CHRNB3: variants seen among roughly 807,000 people sequenced by gnomAD.
The protein encoded by CHRNB3 is cholinergic receptor nicotinic beta 3 subunit, also known as neuronal acetylcholine receptor subunit beta-3.
In CHRNB3, 37 loss-of-function variants were observed where a neutral mutation model predicts 40.6. The observed-to-expected ratio is 0.91, with a 90% CI of 0.70 to 1.20. CHRNB3 has a LOEUF of 1.20. Among genes scored for constraint, CHRNB3 ranks in the 50% most tolerant of loss-of-function variants. CHRNB3 has a pLI of 0.00. For missense variants in CHRNB3, 505 were observed against 551.2 expected (o/e 0.92, Z 0.84); for synonymous variants, 207 against 207.1 (o/e 1.00, Z 0.00).
intron 1 of CHRNB3, among the ~76,000 whole-genome samples, chr8:42,703,427 A>AT (rs1815855622): frequency 2.8e-5 from 1 of 35,822 alleles, no homozygotes; most frequent in African/African-American, 5.7e-5. Flanking sequence ...TCGTCTAAAA[A>AT]AAAAAAAAAT....
intron 2 of CHRNB3, 83 bp from the exon 3 acceptor site, chr8:42,710,307 G>T: frequency 9.3e-7 from 1 of 1,072,566 alleles, no homozygotes; most frequent in Non-Finnish European, 1.4e-6. Flanking sequence ...AACATCTTGA[G>T]ATCCCATTTC....
At chr8:42,722,884 G>T (rs1356638730) in intron 3 of CHRNB3, among the ~76,000 whole-genome samples, 2 of 152,048 alleles carry the variant, frequency 1.3e-5, no homozygotes, top group East Asian at 3.9e-4. Flanking sequence ...TTGGGGGAGG[G>T]ATGGCTTTAA....
At chr8:42,717,511 T>C (rs1816137877) in intron 3 of CHRNB3, among the ~76,000 whole-genome samples, 1 of 150,558 alleles carries the variant, frequency 6.6e-6, no homozygotes, top group African/African-American at 2.4e-5. Context: ...CATGAATTCA[T>C]CTCAGATCTT....
chr8:42,700,014 CT>C (rs1468745766), intron 1 of CHRNB3, among the ~76,000 whole-genome samples: 1 of 148,562 alleles, frequency 6.7e-6, no homozygotes, highest in Non-Finnish European at 1.5e-5. Context: ...TCAATAATTT[CT>C]TTTCTTTTTT....
intron 3 of CHRNB3, among the ~76,000 whole-genome samples, chr8:42,714,369 G>A (rs1436129193): frequency 6.6e-6 from 1 of 151,930 alleles, no homozygotes; most frequent in African/African-American, 2.4e-5. Flanking sequence ...AGGCGTGGTG[G>A]TGGGCACCTG....
intron 3 of CHRNB3, among the ~76,000 whole-genome samples, chr8:42,718,127 G>T (rs1439309881): frequency 6.6e-6 from 1 of 152,010 alleles, no homozygotes; most frequent in Non-Finnish European, 1.5e-5. Context: ...ACCACGCCTG[G>T]CCTTCATCCT....
chr8:42,724,298 C>G (rs1184704263), intron 3 of CHRNB3, among the ~76,000 whole-genome samples: 1 of 152,128 alleles, frequency 6.6e-6, no homozygotes, highest in African/African-American at 2.4e-5. Flanking sequence ...AAACCCCCAA[C>G]ACCTAACATA....
chr8:42,726,796 G>C (rs1816319384), intron 3 of CHRNB3, among the ~76,000 whole-genome samples: 1 of 151,966 alleles, frequency 6.6e-6, no homozygotes, highest in Non-Finnish European at 1.5e-5. Context: ...GGCCTATTTA[G>C]GTATAAATCT....
intron 3 of CHRNB3, among the ~76,000 whole-genome samples, chr8:42,730,301 A>T (rs2128908456): frequency 6.6e-6 from 1 of 152,300 alleles, no homozygotes; most frequent in African/African-American, 2.4e-5. Flanking sequence ...TAGGATGAAA[A>T]GATAGATCAT....
intron 5 of CHRNB3, 124 bp downstream of exon 5, chr8:42,732,673 T>C: frequency 1.1e-6 from 1 of 906,724 alleles, no homozygotes; most frequent in Non-Finnish European, 1.6e-6. Context: ...ACATGCTTTT[T>C]ATACATATAA....
rs141965708 is a variant in CHRNB3 at position 42,737,105 on chromosome 8, G to C, written c.*487G>C. On this transcript the variant is annotated 3_prime_UTR_variant, in exon 6 of 6. Transcript: ENST00000289957. Reference sequence around the variant, plus strand: ...TGCAAACTGGGGCCGTGTTATGCTTGTTAGCAATGGGCCAGGCAAATCTCA... The same window carrying C: ...TGCAAACTGGGGCCGTGTTATGCTTCTTAGCAATGGGCCAGGCAAATCTCA... The C allele has an allele frequency of 0.014, 2,149 of 159,182 alleles. 45 individuals carry two copies. The highest frequency in any genetic ancestry group is 0.049 in the African/African-American group (2,019 of 41,584). 9.9% of individuals were successfully genotyped at this position (159,182 alleles called of 1,614,324 possible).
chr8:42,727,814 G>C (rs1169690965), intron 3 of CHRNB3, among the ~76,000 whole-genome samples: 1 of 152,102 alleles, frequency 6.6e-6, no homozygotes. Context: ...AGTGAGCCGA[G>C]ACTGTGCGAC....
intron 1 of CHRNB3, among the ~76,000 whole-genome samples, chr8:42,697,911 CAG>C (rs1326198065): frequency 1.3e-5 from 2 of 152,238 alleles, no homozygotes; most frequent in Middle Eastern, 3.4e-3. Flanking sequence ...GAGCATTACT[CAG>C]AGAATTGTTC....
intron 1 of CHRNB3, among the ~76,000 whole-genome samples, chr8:42,702,142 C>T (rs944297312): frequency 2.0e-5 from 3 of 152,156 alleles, no homozygotes; most frequent in Non-Finnish European, 4.4e-5. Context: ...GCTCAGTGCA[C>T]AGGAGATGAC....
chr8:42,734,344 G>A (rs1816483396), intron 5 of CHRNB3, among the ~76,000 whole-genome samples: 1 of 150,328 alleles, frequency 6.7e-6, no homozygotes, highest in Non-Finnish European at 1.5e-5. Flanking sequence ...TCAATTTATA[G>A]GGTTCAAATA....
chr8:42,698,608 T>A (rs1304442252), intron 1 of CHRNB3, among the ~76,000 whole-genome samples: 1 of 152,174 alleles, frequency 6.6e-6, no homozygotes, highest in Non-Finnish European at 1.5e-5. Flanking sequence ...GGACTCAAAG[T>A]CAAACAGGAA....
rs759553579 is a variant in CHRNB3, at chr8:42,731,702, AG to A, written c.397del (p.Val133SerfsTer3). On this transcript the variant is annotated frameshift_variant, in exon 5 of 6. Transcript: ENST00000289957. LOFTEE classifies it high-confidence loss of function. ...DGRFEGSLMT[K>X]VIVKSNGTVV... ...CGCTTCGAAGGCTCCCTGATGACCAAGGTCATCGTGAAATCAAACGGAACTG... is the reference window on the plus strand; with the variant it reads ...CGCTTCGAAGGCTCCCTGATGACCAAGTCATCGTGAAATCAAACGGAACTG... 4 of 1,613,112 alleles carry A rather than the reference AG, an allele frequency of 2.5e-6. No homozygotes were observed. The highest frequency in any genetic ancestry group is 1.3e-5 in the African/African-American group (1 of 74,844).
In CHRNB3 at chr8:42,717,338, C is replaced by G. The variant is rs571202307; in HGVS notation, c.249+6904C>G. ...GCAGTGAGCCGAGATCCCGCCACTG[C>G]ACTCCAGCCTGGGTGACAGAGCGAG... On this transcript the variant is annotated intron_variant, in intron 3 of 5. Coordinates refer to ENST00000289957, the MANE Select transcript of CHRNB3 (RefSeq NM_000749.5). 1.7e-3 allele frequency among the ~76,000 whole-genome samples: 169 copies of G among 102,100 alleles called. 6 individuals carry two copies. Among genetic ancestry groups the G allele is most frequent in the Middle Eastern group, 6.8e-3 (1 of 148 alleles). 67.0% of individuals were successfully genotyped at this position (102,100 alleles called of 152,430 possible). A position where few individuals can be genotyped will look rare whatever the true frequency, so the allele number is the denominator to read the frequency against.
At position 42,732,283 on chromosome 8, in the gene CHRNB3, T is replaced by G; in HGVS notation, c.976T>G (p.Ser326Ala). 2 of 1,608,708 alleles carry G rather than the reference T, an allele frequency of 1.2e-6. No individual in the cohort carries two copies. The highest frequency in any genetic ancestry group is 1.7e-6 in the Non-Finnish European group (2 of 1,178,564). ...FVINVHHRSS[S>A]TYHPMAPWVK... Reference sequence around the variant, plus strand: ...CATTAACGTTCACCACAGATCTTCTTCCACGTACCACCCCATGGCCCCCTG... The same window carrying G: ...CATTAACGTTCACCACAGATCTTCTGCCACGTACCACCCCATGGCCCCCTG... Residue 326 changes from serine (S) to alanine (A), a missense_variant, in exon 5 of 6, where the codon TCC becomes GCC. Ser to Ala is a moderately conservative substitution (Grantham distance 99). Transcript: ENST00000289957.
Sources: gnomAD v4.1 joint callset for allele counts (sites outside exome capture counted in the v4.1 genomes callset) on GRCh38, gnomAD v4.1.1 for gene constraint, MANE v1.5 for transcripts, NCBI Gene and HGNC (gene_info 2026-07-23, HGNC 2026-07-21) for gene names.